The following CNTN3 variants were observed in gnomAD, a reference collection of about 807,000 sequenced individuals.
CNTN3 encodes contactin 3.
Under a neutral mutation model 119.1 loss-of-function variants are expected in CNTN3, and 60 were observed. The ratio of observed to expected loss-of-function variants is 0.50; its 90% CI spans 0.41 to 0.62. The LOEUF is 0.62. Ranked by LOEUF, CNTN3 falls within the 20% of genes least tolerant of loss-of-function variation. The pLI is 0.00. For missense variants in CNTN3, 1,101 were observed against 1,242.4 expected, an observed-to-expected ratio of 0.89 and a Z score of 1.71; for synonymous variants, 450 against 438.7, an observed-to-expected ratio of 1.03 and a Z score of -0.32.
chr3:74,500,613 C>A lies in CNTN3; in HGVS notation c.56-828G>T, dbSNP rs149727444. Among the ~76,000 whole-genome samples, 70 of 150,134 alleles carry A rather than the reference C, an allele frequency of 4.7e-4. No homozygotes were observed. The East Asian group carries it at 0.011, about 23-fold the overall frequency. On this transcript the variant is annotated intron_variant, in intron 2 of 22. Coordinates refer to ENST00000263665, the MANE Select transcript of CNTN3 (RefSeq NM_020872.3). ...GAGAATGAATAAACAGACTAAGAGACAAAGAATCCGTGAAAAGTCAGACAA... is the reference window on the plus strand; with the variant it reads ...GAGAATGAATAAACAGACTAAGAGAAAAAGAATCCGTGAAAAGTCAGACAA...
chr3:74,422,462 A>T (rs1701631071), intron 5 of CNTN3, among the ~76,000 whole-genome samples: 1 of 152,176 alleles, frequency 6.6e-6, no homozygotes, highest in African/African-American at 2.4e-5. Flanking sequence ...AAGGCAGAGA[A>T]AAATCAGGAT....
At chr3:74,472,342 T>C (rs1236446901) in intron 4 of CNTN3, among the ~76,000 whole-genome samples, 1 of 152,154 alleles carries the variant, frequency 6.6e-6, no homozygotes, top group Non-Finnish European at 1.5e-5. Context: ...ATATGCACCT[T>C]AAAAACCTAA....
chr3:74,582,781 ATTTGTGTGTG>A (rs1428064836), intron 1 of CNTN3, among the ~76,000 whole-genome samples: 1 of 97,346 alleles, frequency 1.0e-5, no homozygotes, highest in East Asian at 3.0e-4. Flanking sequence ...ATGTGTATGC[ATTTGTGTGTG>A]TGTGTGTGTG....
chr3:74,267,569 ATTC>A, intron 20 of CNTN3, 191 bp from the exon 21 acceptor site: 2 of 514,112 alleles, frequency 3.9e-6, no homozygotes, highest in Admixed American at 6.4e-5. Context: ...AAGGCATTTC[ATTC>A]ATACACCAAA....
intron 5 of CNTN3, among the ~76,000 whole-genome samples, chr3:74,400,028 T>A (rs1705153570): frequency 6.6e-6 from 1 of 152,168 alleles, no homozygotes; most frequent in South Asian, 2.1e-4. Context: ...ATGACCTAGT[T>A]ACACTGAAGG....
chr3:74,375,893 G>T (rs1043584052), intron 5 of CNTN3, among the ~76,000 whole-genome samples: 4 of 152,198 alleles, frequency 2.6e-5, no homozygotes, highest in Non-Finnish European at 4.4e-5. Context: ...CAATAGGGAA[G>T]TAATGTACAT....
At chr3:74,479,568 G>C (rs1353858159) in intron 4 of CNTN3, among the ~76,000 whole-genome samples, 1 of 152,016 alleles carries the variant, frequency 6.6e-6, no homozygotes, top group East Asian at 1.9e-4. Flanking sequence ...CTAATTTTTA[G>C]AACACATGTT....
chr3:74,347,794 T>C (rs1305105839), intron 11 of CNTN3, among the ~76,000 whole-genome samples: 1 of 152,090 alleles, frequency 6.6e-6, no homozygotes, highest in Admixed American at 6.5e-5. Flanking sequence ...CACTAAATCC[T>C]TGCCACTCTC....
At chr3:74,355,523 C>G (rs1341016117) in intron 11 of CNTN3, among the ~76,000 whole-genome samples, 3 of 151,948 alleles carry the variant, frequency 2.0e-5, no homozygotes, top group Non-Finnish European at 4.4e-5. Flanking sequence ...GGCAAGGTCT[C>G]GGTACACTGC....
intron 4 of CNTN3, among the ~76,000 whole-genome samples, chr3:74,437,466 A>C (rs1701888070): frequency 6.6e-6 from 1 of 152,118 alleles, no homozygotes; most frequent in Non-Finnish European, 1.5e-5. Context: ...TGTCTCAAAA[A>C]AATAAAAATA....
At chr3:74,443,532 G>T (rs554162187) in intron 4 of CNTN3, among the ~76,000 whole-genome samples, 1 of 152,098 alleles carries the variant, frequency 6.6e-6, no homozygotes, top group Non-Finnish European at 1.5e-5. Flanking sequence ...GGCTGATGTG[G>T]TTTAGAATGA....
chr3:74,411,345 C>T (rs975242306), intron 5 of CNTN3, among the ~76,000 whole-genome samples: 1 of 152,084 alleles, frequency 6.6e-6, no homozygotes, highest in Admixed American at 6.6e-5. Context: ...TACTGGTGAA[C>T]CCTATCTTTA....
chr3:74,550,314 G>C (rs1023995711), intron 1 of CNTN3, among the ~76,000 whole-genome samples: 2 of 152,182 alleles, frequency 1.3e-5, no homozygotes, highest in African/African-American at 4.8e-5. Flanking sequence ...CAAGCAGTTT[G>C]GCTATTTGGT....
At chr3:74,391,328 A>C (rs1175924312) in intron 5 of CNTN3, among the ~76,000 whole-genome samples, 8 of 152,180 alleles carry the variant, frequency 5.3e-5, no homozygotes, top group Admixed American at 5.2e-4. Context: ...CAGTATAGGA[A>C]GTAGTGCTCA....
In CNTN3 at chr3:74,414,196, G is replaced by GT. The variant is rs557022094; in HGVS notation, c.454+10648dup. Among the ~76,000 whole-genome samples the GT allele has an allele frequency of 1.4e-3, 218 of 152,186 alleles. 1 individual carries two copies. The highest frequency in any genetic ancestry group is 4.8e-3 in the African/African-American group (200 of 41,526). On this transcript the variant is annotated intron_variant, in intron 5 of 22. Coordinates refer to ENST00000263665, the MANE Select transcript of CNTN3 (RefSeq NM_020872.3). ...TCTCCAAGACAGCATTTTTGTAAAA[G>GT]TTTTTTTAAAATTATCCTCATACTT...
At chr3:74,603,239 G>A (rs556222103) in intron 1 of CNTN3, among the ~76,000 whole-genome samples, 3 of 152,258 alleles carry the variant, frequency 2.0e-5, no homozygotes, top group African/African-American at 7.2e-5. Context: ...GCACAACCTT[G>A]GCTGAGACAG....
chr3:74,566,052 G>A (rs1217288719), intron 1 of CNTN3, among the ~76,000 whole-genome samples: 1 of 152,110 alleles, frequency 6.6e-6, no homozygotes, highest in East Asian at 1.9e-4. Flanking sequence ...CTATGATTGT[G>A]AGGCCTCCCC....
chr3:74,479,263 AATTCGACCCATAAC>A (rs61248163), intron 4 of CNTN3, among the ~76,000 whole-genome samples: 17,385 of 152,076 alleles, frequency 0.11, 1,286 homozygotes, highest in African/African-American at 0.22. Flanking sequence ...TGTGAAATAA[AATTCGACCCATAAC>A]AAATCAAGTC....
chr3:74,319,694 C>A (rs1272305450), intron 13 of CNTN3, among the ~76,000 whole-genome samples: 2 of 151,696 alleles, frequency 1.3e-5, no homozygotes, highest in African/African-American at 2.4e-5. Flanking sequence ...AGAGCTTCTG[C>A]ACAGCAAAAG....
Sources: allele counts gnomAD v4.1 joint callset (sites outside exome capture counted in the v4.1 genomes callset), GRCh38; gene constraint gnomAD v4.1.1; transcripts MANE v1.5; gene names NCBI Gene and HGNC (gene_info 2026-07-23, HGNC 2026-07-21).